Variants in RBFOX1 observed in about 807,000 individuals in gnomAD.
RBFOX1 encodes RNA binding protein fox-1 homolog 1.
Under a neutral mutation model 57.7 loss-of-function variants are expected in RBFOX1, and 8 were observed. That is an observed-to-expected ratio of 0.14 (90% CI 0.08 to 0.25). The LOEUF (loss-of-function observed/expected upper bound fraction) is 0.25, where lower values mean the gene tolerates loss of function less well. Among genes scored for constraint, RBFOX1 ranks in the 10% least tolerant of loss-of-function variants. RBFOX1 has a pLI of 1.00. For synonymous variants in RBFOX1, 326 were observed against 222.4 expected (o/e 1.47, Z -4.15); for missense variants, 611 against 548.5 (o/e 1.11, Z -1.14).
At chr16:7,061,342 T>C (rs755215217) in intron 4 of RBFOX1, among the ~76,000 whole-genome samples, 1 of 152,202 alleles carries the variant, frequency 6.6e-6, no homozygotes, top group Admixed American at 6.5e-5. Context: ...GCAAGAACAT[T>C]AATTGATGAA....
At chr16:5,473,387 C>T (rs2069204529) in intron 2 of RBFOX1, among the ~76,000 whole-genome samples, 1 of 151,996 alleles carries the variant, frequency 6.6e-6, no homozygotes, top group Admixed American at 6.5e-5. Context: ...TAATTACTTT[C>T]TGTACTTACC....
intron 1 of RBFOX1, among the ~76,000 whole-genome samples, chr16:5,316,519 G>C (rs936327415): frequency 2.6e-5 from 4 of 152,188 alleles, no homozygotes; most frequent in South Asian, 2.1e-4. Context: ...AAACGTGCTT[G>C]ATTTCTGACT....
chr16:6,960,310 C>G (rs868812447), intron 3 of RBFOX1, among the ~76,000 whole-genome samples: 16 of 152,120 alleles, frequency 1.1e-4, no homozygotes, highest in Non-Finnish European at 2.1e-4. Flanking sequence ...TAATCACTTA[C>G]GTCTTTAGAC....
At chr16:6,732,601 C>T (rs956986055) in intron 3 of RBFOX1, among the ~76,000 whole-genome samples, 1 of 152,220 alleles carries the variant, frequency 6.6e-6, no homozygotes, top group Non-Finnish European at 1.5e-5. Flanking sequence ...AGTAGGTCTG[C>T]AAGGCAGGGA....
intron 3 of RBFOX1, among the ~76,000 whole-genome samples, chr16:6,735,296 G>T (rs190147975): frequency 3.9e-5 from 6 of 152,314 alleles, no homozygotes; most frequent in Admixed American, 3.3e-4. Flanking sequence ...CCACTCACCA[G>T]TGGGTTCATG....
At chr16:7,344,938 T>A (rs1012578597) in intron 4 of RBFOX1, among the ~76,000 whole-genome samples, 1 of 152,120 alleles carries the variant, frequency 6.6e-6, no homozygotes, top group Non-Finnish European at 1.5e-5. Context: ...TGATCAGTTT[T>A]TCCCCCACTG....
chr16:7,070,327 T>A (rs2057064794), intron 4 of RBFOX1, among the ~76,000 whole-genome samples: 1 of 152,220 alleles, frequency 6.6e-6, no homozygotes, highest in Non-Finnish European at 1.5e-5. Flanking sequence ...ATAGATGCTT[T>A]CCTGGATAGA....
At chr16:6,667,912 T>A (rs2098742607) in intron 3 of RBFOX1, among the ~76,000 whole-genome samples, 1 of 151,358 alleles carries the variant, frequency 6.6e-6, no homozygotes. Context: ...AAAAAAAAAA[T>A]AAGTACAAGC....
Position 7,460,389 on chromosome 16 carries a change from A to ATATATATATGTGTGTGTGTG in RBFOX1, c.28-57757_28-57756insATATATATGTGTGTGTGTGT. 5.4e-4 allele frequency among the ~76,000 whole-genome samples: 47 copies of ATATATATATGTGTGTGTGTG among 87,208 alleles called. 1 individual carries two copies. Among genetic ancestry groups the ATATATATATGTGTGTGTGTG allele is most frequent in the African/African-American group, 2.7e-3 (41 of 15,360 alleles). The allele number at this position is 87,208 out of a possible 152,430, so 57.2% of individuals were successfully genotyped here. A position where few individuals can be genotyped will look rare whatever the true frequency, so the allele number is the denominator to read the frequency against. ...TAGCAAAATATATATATATATATATATGTGTGTGTGTGTGTGTGTGTGTGT... is the reference window on the plus strand; with the variant it reads ...TAGCAAAATATATATATATATATATATATATATATGTGTGTGTGTGTGTGTGTGTGTGTGTGTGTGTGTGT... On this transcript the variant is annotated intron_variant, in intron 4 of 15. Transcript: ENST00000550418.
intron 1 of RBFOX1, among the ~76,000 whole-genome samples, chr16:5,437,267 G>A (rs1007690599): frequency 2.6e-5 from 4 of 152,202 alleles, no homozygotes; most frequent in African/African-American, 9.7e-5. Context: ...AGGAACAGAA[G>A]AAAGCCAAAG....
At chr16:5,713,185 A>G (rs939418333) in intron 3 of RBFOX1, among the ~76,000 whole-genome samples, 2 of 152,044 alleles carry the variant, frequency 1.3e-5, no homozygotes, top group Admixed American at 6.6e-5. Flanking sequence ...CTGTCTTTTT[A>G]TTTGCTTAAG....
chr16:5,321,133 A>G (rs1228104400), intron 1 of RBFOX1, among the ~76,000 whole-genome samples: 2 of 152,182 alleles, frequency 1.3e-5, no homozygotes, highest in East Asian at 1.9e-4. Context: ...GCTCAGTACT[A>G]TAGACATTCA....
At chr16:7,616,801 G>A (rs1266263256) in intron 10 of RBFOX1, among the ~76,000 whole-genome samples, 1 of 151,984 alleles carries the variant, frequency 6.6e-6, no homozygotes, top group Non-Finnish European at 1.5e-5. Flanking sequence ...CAAAGTGCTG[G>A]GATTACAAGT....
At chr16:7,578,545 G>A (rs1046075062) in intron 5 of RBFOX1, among the ~76,000 whole-genome samples, 1 of 152,112 alleles carries the variant, frequency 6.6e-6, no homozygotes, top group Admixed American at 6.5e-5. Flanking sequence ...TGTTTGTTTT[G>A]TATTTCACTT....
At chr16:7,271,361 C>T (rs906002946) in intron 4 of RBFOX1, among the ~76,000 whole-genome samples, 1 of 151,470 alleles carries the variant, frequency 6.6e-6, no homozygotes, top group Non-Finnish European at 1.5e-5. Context: ...GGGGGGAGCT[C>T]GTATCAAACT....
chr16:5,548,642 AC>A (rs2045332337), intron 2 of RBFOX1, among the ~76,000 whole-genome samples: 1 of 152,082 alleles, frequency 6.6e-6, no homozygotes. Flanking sequence ...CCAACTATGT[AC>A]CCAAATGATT....
Position 6,937,401 on chromosome 16 carries a change from CT to C in RBFOX1, c.-15-114647del, listed in dbSNP as rs377139239. On this transcript the variant is annotated intron_variant, in intron 3 of 15. Transcript: ENST00000550418. Reference sequence around the variant, plus strand: ...TTTAGGAAAGTCTTATTAATGTAGACTTTTTTTTTATAGTTTTCTATGTGTT... The same window carrying C: ...TTTAGGAAAGTCTTATTAATGTAGACTTTTTTTTATAGTTTTCTATGTGTT... Among the ~76,000 whole-genome samples the C allele has an allele frequency of 5.4e-3, 824 of 151,460 alleles. 7 individuals carry two copies. Among genetic ancestry groups the C allele is most frequent in the Non-Finnish European group, 8.7e-3 (588 of 67,826 alleles).
At chr16:5,329,020 A>C (rs2064668855) in intron 1 of RBFOX1, among the ~76,000 whole-genome samples, 1 of 152,240 alleles carries the variant, frequency 6.6e-6, no homozygotes, top group Non-Finnish European at 1.5e-5. Context: ...ATTTAATAAC[A>C]ACAGCTAAAA....
chr16:7,160,905 T>G (rs2078196984), intron 4 of RBFOX1, among the ~76,000 whole-genome samples: 1 of 151,564 alleles, frequency 6.6e-6, no homozygotes, highest in Admixed American at 6.6e-5. Flanking sequence ...CAACTCTAAC[T>G]TCTTCAGCCC....
Sources: allele counts gnomAD v4.1 joint callset (sites outside exome capture counted in the v4.1 genomes callset), GRCh38; gene constraint gnomAD v4.1.1; transcripts MANE v1.5; gene names NCBI Gene and HGNC (gene_info 2026-07-23, HGNC 2026-07-21).